Variants in DYRK1A observed in about 807,000 individuals in gnomAD.
The protein encoded by DYRK1A is dual specificity tyrosine phosphorylation regulated kinase 1A.
In DYRK1A, 9 loss-of-function variants were observed where a neutral mutation model predicts 79.7. The observed-to-expected ratio is 0.11, with a 90% CI of 0.07 to 0.20. The LOEUF is 0.20. Among genes scored for constraint, DYRK1A ranks in the 10% least tolerant of loss-of-function variants. DYRK1A has a pLI of 1.00. For missense variants in DYRK1A, 622 were observed against 956.0 expected, an observed-to-expected ratio of 0.65 and a Z score of 4.61; for synonymous variants, 349 against 329.7, an observed-to-expected ratio of 1.06 and a Z score of -0.63.
intron 2 of DYRK1A, among the ~76,000 whole-genome samples, chr21:37,467,291 G>A (rs1165746917): frequency 1.3e-5 from 2 of 152,166 alleles, no homozygotes; most frequent in East Asian, 3.9e-4. Flanking sequence ...TGCAAGTGGT[G>A]CAATCATGGC....
At chr21:37,374,396 A>G (rs1354973567) in intron 1 of DYRK1A, among the ~76,000 whole-genome samples, 2 of 150,838 alleles carry the variant, frequency 1.3e-5, no homozygotes, top group African/African-American at 4.9e-5. Flanking sequence ...AAATATAAAT[A>G]TCTAAGATTC....
At chr21:37,374,913 A>G (rs1236750307) in intron 1 of DYRK1A, among the ~76,000 whole-genome samples, 2 of 152,198 alleles carry the variant, frequency 1.3e-5, no homozygotes, top group African/African-American at 4.8e-5. Context: ...TTTGAGAAAC[A>G]CCAATAAAGT....
intron 2 of DYRK1A, among the ~76,000 whole-genome samples, chr21:37,440,185 G>T (rs1364591028): frequency 9.0e-5 from 9 of 100,354 alleles, no homozygotes; most frequent in African/African-American, 2.4e-4. Context: ...TCCCAGGCTG[G>T]AGTGCAGTGG....
intron 1 of DYRK1A, among the ~76,000 whole-genome samples, chr21:37,397,827 G>A (rs535347745): frequency 6.6e-6 from 1 of 152,158 alleles, no homozygotes; most frequent in South Asian, 2.1e-4. Flanking sequence ...TTAGCCATCT[G>A]TGCCCCAATC....
intron 2 of DYRK1A, among the ~76,000 whole-genome samples, chr21:37,438,707 T>C (rs529313765): frequency 6.6e-6 from 1 of 152,330 alleles, no homozygotes; most frequent in East Asian, 1.9e-4. Flanking sequence ...CAATACCATA[T>C]TGTGTTGACC....
At chr21:37,473,753 G>T (rs1256763846) in intron 3 of DYRK1A, among the ~76,000 whole-genome samples, 1 of 152,146 alleles carries the variant, frequency 6.6e-6, no homozygotes, top group Non-Finnish European at 1.5e-5. Context: ...TTGCTAGTAG[G>T]CTGACATAAT....
rs1555984261 is a variant in DYRK1A, at chr21:37,490,314, G to A, written c.777G>A (p.Gln259=). The part of the protein sequence containing the change: ...SLNLTRKFAQ[Q]MCTALLFLAT... ...ACCTAACACGAAAGTTTGCGCAACA[G>A]ATGTGCACTGCACTGCTTTTCCTTG... Residue 259 remains glutamine (Q), a synonymous_variant, in exon 7 of 12, where the codon CAG becomes CAA. Transcript: ENST00000647188. The A allele has an allele frequency of 1.2e-6, 2 of 1,613,792 alleles. No individual in the cohort carries two copies. Among genetic ancestry groups the A allele is most frequent in the Non-Finnish European group, 1.7e-6 (2 of 1,179,774 alleles).
At chr21:37,500,929 C>CTTTT (rs898795722) in intron 9 of DYRK1A, among the ~76,000 whole-genome samples, 10 of 144,060 alleles carry the variant, frequency 6.9e-5, no homozygotes, top group African/African-American at 2.3e-4. Context: ...TTGTTGATTT[C>CTTTT]TTTTTTTTTT....
chr21:37,421,818 G>C (rs1194148601), intron 2 of DYRK1A: 1 of 152,082 alleles, frequency 6.6e-6, no homozygotes, highest in Non-Finnish European at 1.5e-5. Context: ...CTCCTTGGGC[G>C]CTATACTGCA....
At chr21:37,488,231 ATTC>A (rs905412524) in intron 6 of DYRK1A, 15 of 477,954 alleles carry the variant, frequency 3.1e-5, no homozygotes, top group East Asian at 3.1e-4. Context: ...GAGTTTTTAA[ATTC>A]TTATTTCAGA....
chr21:37,368,996 T>A (rs946874487), intron 1 of DYRK1A, among the ~76,000 whole-genome samples: 1 of 152,172 alleles, frequency 6.6e-6, no homozygotes, highest in Non-Finnish European at 1.5e-5. Context: ...ATGTAGTCAA[T>A]TTTTGAATGA....
intron 1 of DYRK1A, among the ~76,000 whole-genome samples, chr21:37,409,525 A>G (rs1308786010): frequency 6.6e-6 from 1 of 152,232 alleles, no homozygotes; most frequent in Non-Finnish European, 1.5e-5. Context: ...TGGAGTTTAA[A>G]AAATTGGAAG....
In DYRK1A at chr21:37,445,822, C is replaced by G. The variant is rs567162736; in HGVS notation, c.10+25438C>G. On this transcript the variant is annotated intron_variant, in intron 2 of 11. Transcript: ENST00000647188. ...AAGAAAAAGTTGGGAATTTTAGCAC[C>G]CTGTCCTTAACCAATATTAGCAGTC... 2.0e-5 allele frequency among the ~76,000 whole-genome samples: 3 copies of G among 152,116 alleles called. No individual in the cohort carries two copies. The East Asian group carries it at 5.8e-4, about 29-fold the overall frequency.
chr21:37,479,593 TGTTTTTGTTTTTGTTTTTGTTTTTTG>T (rs2052530549), intron 4 of DYRK1A, among the ~76,000 whole-genome samples: 1 of 66,572 alleles, frequency 1.5e-5, no homozygotes, highest in African/African-American at 1.1e-4. Flanking sequence ...GTTGGTGTTT[TGTTTTTGTTTTTGTTTTTGTTTTTTG>T]TTTTTTTTTT....
At chr21:37,460,975 A>G (rs2051819693) in intron 2 of DYRK1A, among the ~76,000 whole-genome samples, 1 of 152,184 alleles carries the variant, frequency 6.6e-6, no homozygotes, top group Non-Finnish European at 1.5e-5. Context: ...TGTCTTCCAG[A>G]TGGTATTACC....
intron 2 of DYRK1A, 61 bp from the exon 3 acceptor site, chr21:37,472,623 T>G: frequency 2.9e-6 from 4 of 1,376,024 alleles, no homozygotes; most frequent in Non-Finnish European, 3.9e-6. Flanking sequence ...ATTAGATATG[T>G]CAAATGATAC....
chr21:37,422,506 A>G (rs2050502655), intron 2 of DYRK1A, among the ~76,000 whole-genome samples: 1 of 152,108 alleles, frequency 6.6e-6, no homozygotes, highest in Admixed American at 6.6e-5. Context: ...ACCCTCTGGC[A>G]TTGTTCATGG....
intron 1 of DYRK1A, among the ~76,000 whole-genome samples, chr21:37,402,744 TTCTTTCCCTTTC>T (rs948465518): frequency 2.0e-5 from 3 of 152,002 alleles, no homozygotes; most frequent in African/African-American, 4.8e-5. Context: ...TTAGACAATT[TTCTTTCCCTTTC>T]TCTTTCCCTT....
chr21:37,447,224 T>C (rs980002805), intron 2 of DYRK1A, among the ~76,000 whole-genome samples: 2 of 152,152 alleles, frequency 1.3e-5, no homozygotes, highest in African/African-American at 4.8e-5. Context: ...TAAAGATTTG[T>C]CAGTGAATGA....
Sources: gnomAD v4.1 joint callset for allele counts (sites outside exome capture counted in the v4.1 genomes callset) on GRCh38, gnomAD v4.1.1 for gene constraint, MANE v1.5 for transcripts, NCBI Gene and HGNC (gene_info 2026-07-23, HGNC 2026-07-21) for gene names.